FYCO1: variants seen among roughly 807,000 people sequenced by gnomAD.
The protein encoded by FYCO1 is FYVE and coiled-coil domain-containing protein 1.
FYCO1 carries 122 observed loss-of-function variants against 165.1 expected under a neutral mutation model. The observed-to-expected ratio is 0.74, with a 90% CI of 0.64 to 0.86. FYCO1 has a LOEUF of 0.86. Among genes scored for constraint, FYCO1 ranks in the 40% least tolerant of loss-of-function variants. The pLI is 0.00. For synonymous variants in FYCO1, 648 were observed against 742.5 expected (o/e 0.87, Z 2.07); for missense variants, 1,702 against 1,810.3 (o/e 0.94, Z 1.09).
intron 16 of FYCO1, among the ~76,000 whole-genome samples, chr3:45,927,172 A>G (rs1703361160): frequency 6.6e-6 from 1 of 152,162 alleles, no homozygotes; most frequent in African/African-American, 2.4e-5. Flanking sequence ...CTTTGTTTTT[A>G]GCTCATCAGC....
intron 16 of FYCO1, among the ~76,000 whole-genome samples, chr3:45,927,483 T>C (rs1703379113): frequency 2.0e-5 from 3 of 152,246 alleles, no homozygotes; most frequent in African/African-American, 7.2e-5. Context: ...GAGCATTGTG[T>C]TCCTAACACA....
At chr3:45,966,241 G>T (rs764588619) in intron 8 of FYCO1, 36 bp downstream of exon 8, 1 of 1,607,248 alleles carries the variant, frequency 6.2e-7, no homozygotes, top group South Asian at 1.1e-5. Flanking sequence ...TGCCCAGGGA[G>T]AGGGGTAGAG....
intron 14 of FYCO1, among the ~76,000 whole-genome samples, chr3:45,951,513 G>A (rs1575353227): frequency 2.0e-5 from 3 of 152,194 alleles, no homozygotes; most frequent in African/African-American, 7.2e-5. Context: ...AAGGCTGAGG[G>A]AGCCACAGCC....
At position 45,968,321 on chromosome 3, in the gene FYCO1, C is replaced by T. The variant is rs562531996; in HGVS notation, c.1013G>A (p.Arg338Gln). The change falls in exon 8 of 18, where the codon CGG becomes CAG. Residue 338 changes from arginine (R) to glutamine (Q), a missense_variant. Transcript: ENST00000296137. ...EKEEDYHTALRRLESMLQPLA... is the reference protein window; with the variant it reads ...EKEEDYHTALQRLESMLQPLA... ...GGGCTGCAGCATGGACTCCAGCCGC[C>T]GCAGGGCTGTGTGGTAGTCCTCCTC... 9.9e-6 allele frequency: 16 copies of T among 1,613,766 alleles called. No individual in the cohort carries two copies. Among genetic ancestry groups the T allele is most frequent in the South Asian group, 3.3e-5 (3 of 91,086 alleles).
At position 45,965,099 on chromosome 3, in the gene FYCO1, G is replaced by A; in HGVS notation, c.3084C>T (p.Leu1028=). The A allele has an allele frequency of 1.9e-6, 3 of 1,614,036 alleles. No individual in the cohort carries two copies. Among genetic ancestry groups the A allele is most frequent in the Non-Finnish European group, 2.5e-6 (3 of 1,179,992 alleles). Residue 1028 remains leucine, a synonymous_variant, in exon 9 of 18, where the codon CTC becomes CTT. Coordinates refer to ENST00000296137, the MANE Select transcript of FYCO1 (RefSeq NM_024513.4). ...GGCCTTGCTCCTCAAGCTGGCCCCT[G>A]AGGCTCTTGCACTCTTCACCAGCAT... is the stretch of plus-strand genomic sequence containing the variant. ...LKNAGEECKS[L]RGQLEEQGRQ...
chr3:45,943,783 G>A (rs1704394496), intron 14 of FYCO1, among the ~76,000 whole-genome samples: 1 of 152,142 alleles, frequency 6.6e-6, no homozygotes. Context: ...CAGGCTGATG[G>A]TACTGCTAGT....
chr3:45,951,100 G>A (rs1340531003), intron 14 of FYCO1, among the ~76,000 whole-genome samples: 1 of 152,190 alleles, frequency 6.6e-6, no homozygotes, highest in Non-Finnish European at 1.5e-5. Context: ...GTATCTGAAG[G>A]ATCTTCTTTG....
In FYCO1 at chr3:45,921,334, T is replaced by G. The variant is rs965506856; in HGVS notation, c.*431A>C. 1 of 288,502 alleles carries G rather than the reference T, an allele frequency of 3.5e-6. No homozygotes were observed. The highest frequency in any genetic ancestry group is 8.9e-5 in the East Asian group (1 of 11,270). 17.9% of individuals were successfully genotyped at this position (288,502 alleles called of 1,614,324 possible). A position where few individuals can be genotyped will look rare whatever the true frequency, so the allele number is the denominator to read the frequency against. ...CTGAGGATTCACAGGGCATGGCCAG[T>G]GCACCCAGCTCAGTCTCCAACATGC... On this transcript the variant is annotated 3_prime_UTR_variant, in exon 18 of 18. Transcript: ENST00000296137.
chr3:45,947,305 C>G, intron 14 of FYCO1: 1 of 1,614,146 alleles, frequency 6.2e-7, no homozygotes, highest in Non-Finnish European at 8.5e-7. Context: ...GTGACAGAGG[C>G]CATCGCATAC....
intron 3 of FYCO1, among the ~76,000 whole-genome samples, chr3:45,980,088 G>T (rs750741911): frequency 1.3e-5 from 2 of 152,204 alleles, no homozygotes; most frequent in East Asian, 3.8e-4. Context: ...GGTGGCTCAC[G>T]CTGGTAATCC....
rs984675900 is a variant in FYCO1, at chr3:45,921,907, C to A, written c.4362-67G>T. The stretch of plus-strand genomic sequence containing the variant: ...CTGAAAGTCCGAGGGGTGGCAGCTG[C>A]TGCTGAGGCCTCTGTGGTCACTGCA... On this transcript the variant is annotated intron_variant, in intron 17 of 17. Transcript: ENST00000296137. 1.9e-5 allele frequency: 19 copies of A among 975,258 alleles called. No homozygotes were observed. The African/African-American group carries it at 2.1e-4, about 11-fold the overall frequency. The allele number at this position is 975,258 out of a possible 1,614,324, so 60.4% of individuals were successfully genotyped here.
intron 15 of FYCO1, among the ~76,000 whole-genome samples, chr3:45,935,044 T>C (rs980763899): frequency 3.3e-5 from 5 of 152,206 alleles, no homozygotes; most frequent in Non-Finnish European, 7.3e-5. Context: ...TAATTCAATA[T>C]AGTGTTTGTC....
intron 16 of FYCO1, among the ~76,000 whole-genome samples, chr3:45,927,342 A>G (rs988984696): frequency 1.6e-4 from 25 of 152,256 alleles, no homozygotes; most frequent in African/African-American, 5.3e-4. Flanking sequence ...TAGGTCTACA[A>G]TGGAATTAAA....
intron 1 of FYCO1, among the ~76,000 whole-genome samples, chr3:45,991,976 A>G (rs975105669): frequency 6.6e-6 from 1 of 152,224 alleles, no homozygotes. Context: ...TGCGGAGCAC[A>G]GAGGAAAAGC....
intron 11 of FYCO1, among the ~76,000 whole-genome samples, chr3:45,961,369 A>G (rs140460174): frequency 1.8e-3 from 272 of 152,296 alleles, no homozygotes; most frequent in African/African-American, 6.2e-3. Context: ...ATTTGGGGCC[A>G]GGAATTCAGA....
chr3:45,953,701 G>A (rs1281385505), intron 14 of FYCO1, among the ~76,000 whole-genome samples: 1 of 152,220 alleles, frequency 6.6e-6, no homozygotes, highest in Non-Finnish European at 1.5e-5. Flanking sequence ...GGAAGGTTCA[G>A]TGGATCCAGG....
chr3:45,968,190 C>T lies in FYCO1; in HGVS notation c.1144G>A (p.Ala382Thr), dbSNP rs886058570. Residue 382 changes from alanine to threonine, a missense_variant, in exon 8 of 18, where the codon GCA becomes ACA. By Grantham distance (58) the Ala-to-Thr change is moderately conservative. Coordinates refer to ENST00000296137, the MANE Select transcript of FYCO1 (RefSeq NM_024513.4). ...LAMAQQKADT[A>T]SDTKGRQEPI... The stretch of plus-strand genomic sequence containing the variant: ...TCTTGCCGGCCCTTTGTGTCTGATG[C>T]CGTATCTGCCTTCTGCTGAGCCATG... 3.7e-6 allele frequency: 6 copies of T among 1,614,002 alleles called. No individual in the cohort carries two copies. The highest frequency in any genetic ancestry group is 5.1e-6 in the Non-Finnish European group (6 of 1,180,042).
At chr3:45,986,973 A>G (rs1707347810) in intron 1 of FYCO1, among the ~76,000 whole-genome samples, 1 of 152,216 alleles carries the variant, frequency 6.6e-6, no homozygotes, top group Non-Finnish European at 1.5e-5. Context: ...AAGGAGACAG[A>G]TGGAAAAATA....
At chr3:45,938,298 C>T (rs1342934152) in intron 14 of FYCO1, 3 of 1,194,320 alleles carry the variant, frequency 2.5e-6, no homozygotes, top group East Asian at 1.1e-4. Context: ...GTGATGCAGT[C>T]TCAAAGGTGA....
Sources: allele counts gnomAD v4.1 joint callset (sites outside exome capture counted in the v4.1 genomes callset), GRCh38; gene constraint gnomAD v4.1.1; transcripts MANE v1.5; gene names NCBI Gene and HGNC (gene_info 2026-07-23, HGNC 2026-07-21).